NDRG3: variants seen among roughly 807,000 people sequenced by gnomAD.
NDRG3 encodes NDRG family member 3.
NDRG3 carries 23 observed loss-of-function variants against 57.2 expected under a neutral mutation model. The ratio of observed to expected loss-of-function variants is 0.40; its 90% CI spans 0.29 to 0.57. NDRG3 has a LOEUF of 0.57. NDRG3 is among the 20% of genes least tolerant of loss of function. The pLI, the probability that NDRG3 is intolerant of heterozygous loss-of-function variation, is 0.42. For synonymous variants in NDRG3, 132 were observed against 162.6 expected (o/e 0.81, Z 1.43); for missense variants, 384 against 457.3 (o/e 0.84, Z 1.46).
intron 1 of NDRG3, among the ~76,000 whole-genome samples, chr20:36,726,941 G>C (rs1984973216): frequency 7.0e-6 from 1 of 142,396 alleles, no homozygotes; most frequent in Non-Finnish European, 1.5e-5. Context: ...CCTGAGACAA[G>C]AGTCTTGCTC....
At position 36,653,016 on chromosome 20, in the gene NDRG3, A is replaced by G. The variant is rs1305434240; in HGVS notation, c.*504T>C. 6.5e-6 allele frequency: 1 copy of G among 152,758 alleles called. No homozygotes were observed. Among genetic ancestry groups the G allele is most frequent in the Non-Finnish European group, 1.5e-5 (1 of 68,118 alleles). The allele number at this position is 152,758 out of a possible 1,614,324, so 9.5% of individuals were successfully genotyped here. On this transcript the variant is annotated 3_prime_UTR_variant, in exon 16 of 16. Transcript: ENST00000349004. This position sits in a 1 kb window ranked among gnomAD's most constrained non-coding sequence, Gnocchi z 4.2. ...AATCACTTTGCAAATTTTGTTGACC[A>G]ATTTGCAAACAAAAGAGAATGCAGT...
intron 9 of NDRG3, among the ~76,000 whole-genome samples, chr20:36,667,386 C>T (rs1979726517): frequency 6.6e-6 from 1 of 152,180 alleles, no homozygotes; most frequent in Admixed American, 6.5e-5. Flanking sequence ...CAAGATCCTC[C>T]TGCCTCAGCC....
intron 6 of NDRG3, among the ~76,000 whole-genome samples, chr20:36,683,802 C>T (rs975420176): frequency 2.6e-5 from 4 of 151,846 alleles, no homozygotes; most frequent in Non-Finnish European, 5.9e-5. Context: ...AGTCTATCTC[C>T]AGAATATATC....
chr20:36,675,417 G>A (rs1469741695), intron 8 of NDRG3, among the ~76,000 whole-genome samples: 6 of 139,012 alleles, frequency 4.3e-5, no homozygotes, highest in Admixed American at 1.5e-4. Flanking sequence ...ATGGAGTTTT[G>A]CTCTTGTTGC....
chr20:36,743,805 GAGAC>G, intron 1 of NDRG3, among the ~76,000 whole-genome samples: 1 of 150,982 alleles, frequency 6.6e-6, no homozygotes, highest in Non-Finnish European at 1.5e-5. Context: ...GCAACAGAGC[GAGAC>G]TCCGTCTCAA....
intron 10 of NDRG3, 84 bp from the exon 11 acceptor site, chr20:36,665,385 T>C (rs1313696307): frequency 2.5e-6 from 3 of 1,207,610 alleles, no homozygotes; most frequent in Non-Finnish European, 3.7e-6. Flanking sequence ...ACACCAAAAT[T>C]TATCAAGGAA....
chr20:36,676,382 T>C (rs1600878356), intron 8 of NDRG3, among the ~76,000 whole-genome samples: 1 of 152,266 alleles, frequency 6.6e-6, no homozygotes, highest in African/African-American at 2.4e-5. Flanking sequence ...TAAAATAACA[T>C]ACACATAACA....
intron 12 of NDRG3, among the ~76,000 whole-genome samples, 199 bp from the exon 13 acceptor site, chr20:36,660,583 C>A (rs186963603): frequency 6.2e-5 from 9 of 145,038 alleles, no homozygotes; most frequent in African/African-American, 2.5e-4. Flanking sequence ...TTTTTTGAGA[C>A]GGAGTCTCGC....
At chr20:36,718,677 T>C (rs1984414814) in intron 2 of NDRG3, among the ~76,000 whole-genome samples, 1 of 152,014 alleles carries the variant, frequency 6.6e-6, no homozygotes, top group Non-Finnish European at 1.5e-5. Context: ...AGAGAGCCTC[T>C]TTCTCTATTT....
Position 36,653,813 on chromosome 20 carries a change from AC to A in NDRG3, c.947-113del. ...GCTTTTCCGACTCATTTACCATGAC[AC>A]CCAGGACAAGATATAGCCATCCCCA... On this transcript the variant is annotated intron_variant, in intron 15 of 15. Transcript: ENST00000349004. This position sits in a 1 kb window ranked among gnomAD's most constrained non-coding sequence, Gnocchi z 4.2. 1 of 967,528 alleles carries A rather than the reference AC, an allele frequency of 1.0e-6. No individual in the cohort carries two copies. Among genetic ancestry groups the A allele is most frequent in the Non-Finnish European group, 1.5e-6 (1 of 655,574 alleles). The allele number at this position is 967,528 out of a possible 1,614,324, so 59.9% of individuals were successfully genotyped here.
intron 2 of NDRG3, among the ~76,000 whole-genome samples, chr20:36,717,943 A>G (rs1023448990): frequency 6.6e-6 from 1 of 152,154 alleles, no homozygotes; most frequent in African/African-American, 2.4e-5. Flanking sequence ...TTCCACAACA[A>G]ACAATTATCC....
chr20:36,732,324 A>C (rs1414736797), intron 1 of NDRG3, among the ~76,000 whole-genome samples: 1 of 152,208 alleles, frequency 6.6e-6, no homozygotes, highest in Non-Finnish European at 1.5e-5. Context: ...AGTGGTGGTG[A>C]GACCACTAGG....
intron 15 of NDRG3, chr20:36,654,707 C>T: frequency 1.3e-6 from 1 of 763,312 alleles, no homozygotes; most frequent in South Asian, 1.4e-5. Context: ...CTATCGGGCT[C>T]TCACTGCATA....
chr20:36,716,066 G>A (rs373524911), intron 2 of NDRG3, among the ~76,000 whole-genome samples: 1 of 152,172 alleles, frequency 6.6e-6, no homozygotes, highest in African/African-American at 2.4e-5. Flanking sequence ...CTGGACTCCA[G>A]CCTGGGCAAC....
At chr20:36,733,355 G>A (rs937387315) in intron 1 of NDRG3, among the ~76,000 whole-genome samples, 1 of 151,710 alleles carries the variant, frequency 6.6e-6, no homozygotes, top group Non-Finnish European at 1.5e-5. Context: ...GCTGACACCA[G>A]GCCGCTAGCT....
At chr20:36,716,171 A>G (rs1444474325) in intron 2 of NDRG3, among the ~76,000 whole-genome samples, 2 of 151,830 alleles carry the variant, frequency 1.3e-5, no homozygotes, top group African/African-American at 4.8e-5. Flanking sequence ...TAGTTCTAAC[A>G]CCCTCCTCCC....
At chr20:36,735,299 C>T (rs1370251616) in intron 1 of NDRG3, among the ~76,000 whole-genome samples, 1 of 152,168 alleles carries the variant, frequency 6.6e-6, no homozygotes, top group Non-Finnish European at 1.5e-5. Flanking sequence ...AGACTAAATG[C>T]TCATTGGAGC....
chr20:36,691,057 C>T (rs969987681), intron 3 of NDRG3, among the ~76,000 whole-genome samples: 1 of 152,210 alleles, frequency 6.6e-6, no homozygotes, highest in Non-Finnish European at 1.5e-5. Context: ...GTTGATGAAG[C>T]CTGTATCTAT....
At position 36,746,085 on chromosome 20, in the gene NDRG3, G is replaced by GGCAGCAGCGGCGGCAGCA. The variant is rs1555809932; in HGVS notation, c.-90_-89insTGCTGCCGCCGCTGCTGC. On this transcript the variant is annotated 5_prime_UTR_variant, in exon 1 of 16. Transcript: ENST00000349004. The stretch of plus-strand genomic sequence containing the variant: ...CCGCCGTCAGTGCAGCAGCAGCGGC[G>GGCAGCAGCGGCGGCAGCA]GCGGCGGCGGCGGCGGCGGCGGCGG... 4.5e-5 allele frequency: 1 copy of GGCAGCAGCGGCGGCAGCA among 22,160 alleles called. No homozygotes were observed. The highest frequency in any genetic ancestry group is 6.8e-5 in the Non-Finnish European group (1 of 14,682). 1.4% of individuals were successfully genotyped at this position (22,160 alleles called of 1,614,324 possible).
Sources: gnomAD v4.1 joint callset for allele counts (sites outside exome capture counted in the v4.1 genomes callset) on GRCh38, gnomAD v4.1.1 for gene constraint, Gnocchi (gnomAD v3.1) non-coding constraint, MANE v1.5 for transcripts, NCBI Gene and HGNC (gene_info 2026-07-23, HGNC 2026-07-21) for gene names.